HECTD2: variants seen among roughly 807,000 people sequenced by gnomAD.
HECTD2 encodes probable E3 ubiquitin-protein ligase HECTD2.
In HECTD2, 35 loss-of-function variants were observed where a neutral mutation model predicts 103.2. The ratio of observed to expected loss-of-function variants is 0.34; its 90% CI spans 0.26 to 0.45. The LOEUF (loss-of-function observed/expected upper bound fraction) is 0.45, where lower values mean the gene tolerates loss of function less well. Among genes scored for constraint, HECTD2 ranks in the 20% least tolerant of loss-of-function variants. HECTD2 has a pLI of 1.00. For missense variants in HECTD2, 596 were observed against 937.4 expected, an observed-to-expected ratio of 0.64 and a Z score of 4.76; for synonymous variants, 281 against 329.9, an observed-to-expected ratio of 0.85 and a Z score of 1.61.
chr10:91,414,966 A>G (rs936044362), intron 1 of HECTD2, among the ~76,000 whole-genome samples: 1 of 152,144 alleles, frequency 6.6e-6, no homozygotes. Context: ...GTGGTAGTGT[A>G]TAGTTAAACT....
At chr10:91,503,379 C>A (rs939433600) in intron 20 of HECTD2, among the ~76,000 whole-genome samples, 4 of 152,226 alleles carry the variant, frequency 2.6e-5, no homozygotes, top group Admixed American at 2.6e-4. Context: ...GTTCATCTCA[C>A]TAGGGAGTGC....
intron 5 of HECTD2, among the ~76,000 whole-genome samples, chr10:91,468,445 G>A (rs1223551621): frequency 4.6e-5 from 7 of 152,236 alleles, no homozygotes; most frequent in Admixed American, 2.6e-4. Context: ...GAAACTGAAC[G>A]AATGTCAACT....
At chr10:91,496,406 A>G (rs1392081419) in intron 15 of HECTD2, 34 bp downstream of exon 15, 1 of 1,489,014 alleles carries the variant, frequency 6.7e-7, no homozygotes, top group Admixed American at 1.8e-5. Flanking sequence ...TTGTCCTTTA[A>G]TGCGAAATCA....
chr10:91,495,551 T>C (rs1174666821), intron 14 of HECTD2, among the ~76,000 whole-genome samples: 1 of 152,052 alleles, frequency 6.6e-6, no homozygotes, highest in Non-Finnish European at 1.5e-5. Flanking sequence ...AAATTTGATC[T>C]AAAACCTCTC....
Position 91,440,268 on chromosome 10 carries a change from G to C in HECTD2, c.268+14858G>C, listed in dbSNP as rs146331559. ...ACATCCCATCAATACCTAGTTTATTGAGAGTTTTTAGCATGAATGGGGTGT... is the reference window on the plus strand; with the variant it reads ...ACATCCCATCAATACCTAGTTTATTCAGAGTTTTTAGCATGAATGGGGTGT... On this transcript the variant is annotated intron_variant, in intron 2 of 20. Transcript: ENST00000298068. Among the ~76,000 whole-genome samples, 1,383 of 152,250 alleles carry C rather than the reference G, an allele frequency of 9.1e-3. 25 individuals carry two copies. The highest frequency in any genetic ancestry group is 0.032 in the African/African-American group (1,328 of 41,554).
intron 20 of HECTD2, 51 bp from the exon 21 acceptor site, chr10:91,512,213 A>G (rs1431407751): frequency 6.3e-7 from 1 of 1,588,224 alleles, no homozygotes; most frequent in East Asian, 2.2e-5. Context: ...CATAGCAGTC[A>G]TTTTGTGTGT....
intron 5 of HECTD2, among the ~76,000 whole-genome samples, chr10:91,469,267 A>G (rs577615850): frequency 1.3e-5 from 2 of 152,264 alleles, no homozygotes; most frequent in East Asian, 1.9e-4. Flanking sequence ...AACCCCTGCA[A>G]TATGCAAGAT....
At chr10:91,428,354 A>C (rs1341123854) in intron 2 of HECTD2, among the ~76,000 whole-genome samples, 6 of 150,844 alleles carry the variant, frequency 4.0e-5, no homozygotes, top group Admixed American at 3.9e-4. Flanking sequence ...TGACTTGGCG[A>C]TGCGGGCTCT....
chr10:91,472,673 A>G (rs180933441), intron 5 of HECTD2, among the ~76,000 whole-genome samples: 3 of 152,358 alleles, frequency 2.0e-5, no homozygotes, highest in East Asian at 3.9e-4. Context: ...GAAGACATAC[A>G]TGTGTCCAAC....
chr10:91,416,935 T>C (rs1161015342), intron 1 of HECTD2, among the ~76,000 whole-genome samples: 4 of 152,206 alleles, frequency 2.6e-5, no homozygotes, highest in Non-Finnish European at 4.4e-5. Context: ...TCAGTTCATA[T>C]TAATTTCTTT....
chr10:91,460,908 C>G (rs1274455458), intron 3 of HECTD2, among the ~76,000 whole-genome samples: 2 of 151,790 alleles, frequency 1.3e-5, no homozygotes, highest in Non-Finnish European at 2.9e-5. Context: ...AGTTATGTAA[C>G]CATTCAAAAA....
chr10:91,500,394 TACTATGAGAAATCATGAC>T, intron 18 of HECTD2, 90 bp from the exon 19 acceptor site: 2 of 546,432 alleles, frequency 3.7e-6, no homozygotes, highest in East Asian at 3.2e-5. Context: ...TGGTTTGATT[TACTATGAGAAATCATGAC>T]TTTTGTGATT....
intron 6 of HECTD2, among the ~76,000 whole-genome samples, chr10:91,480,809 A>G (rs1210420039): frequency 6.6e-6 from 1 of 151,992 alleles, no homozygotes; most frequent in Non-Finnish European, 1.5e-5. Context: ...AAAATTGATG[A>G]TTTTATTACA....
chr10:91,461,355 A>ATTCT lies in HECTD2; in HGVS notation c.509_510insTTCT (p.Lys170AsnfsTer10). 1 of 1,368,840 alleles carries ATTCT rather than the reference A, an allele frequency of 7.3e-7. No individual in the cohort carries two copies. The highest frequency in any genetic ancestry group is 1.0e-6 in the Non-Finnish European group (1 of 989,914). 84.8% of individuals were successfully genotyped at this position (1,368,840 alleles called of 1,614,324 possible). ...TTCCCAGAATTAAATGCTGCATTTAAGGTAATTATACATAAAACACACTTT... is the reference window on the plus strand; with the variant it reads ...TTCCCAGAATTAAATGCTGCATTTAATTCTGGTAATTATACATAAAACACACTTT... On this transcript the variant is annotated frameshift_variant and splice_region_variant, in exon 4 of 21. Coordinates refer to ENST00000298068, the MANE Select transcript of HECTD2 (RefSeq NM_182765.6). LOFTEE classifies it high-confidence loss of function.
chr10:91,495,621 T>G (rs1589542358), intron 14 of HECTD2, among the ~76,000 whole-genome samples: 1 of 152,048 alleles, frequency 6.6e-6, no homozygotes, highest in Non-Finnish European at 1.5e-5. Context: ...CTGAGCAAAA[T>G]TTGTAACATC....
intron 11 of HECTD2, chr10:91,489,187 C>T (rs564231062): frequency 2.0e-5 from 3 of 152,258 alleles, no homozygotes; most frequent in Non-Finnish European, 4.4e-5. Flanking sequence ...AGGAGAATGG[C>T]AGGTGTAGAC....
chr10:91,508,313 A>G (rs1248763192), intron 20 of HECTD2, among the ~76,000 whole-genome samples: 13 of 145,220 alleles, frequency 9.0e-5, no homozygotes, highest in Non-Finnish European at 2.0e-4. Flanking sequence ...AGCAAAAGAA[A>G]CTACCATCAG....
Position 91,410,421 on chromosome 10 carries a change from C to T in HECTD2, c.-18C>T. The T allele has an allele frequency of 7.3e-7, 1 of 1,372,266 alleles. No homozygotes were observed. Among genetic ancestry groups the T allele is most frequent in the Non-Finnish European group, 9.4e-7 (1 of 1,065,956 alleles). The allele number at this position is 1,372,266 out of a possible 1,614,324, so 85.0% of individuals were successfully genotyped here. ...GAGGCCGCCGCCGCCGCCTGGCGCT[C>T]CCGCCGCCCGGCCCGACATGAGTGA... On this transcript the variant is annotated 5_prime_UTR_variant, in exon 1 of 21. Coordinates refer to ENST00000298068, the MANE Select transcript of HECTD2 (RefSeq NM_182765.6).
At chr10:91,433,393 T>C (rs989505922) in intron 2 of HECTD2, among the ~76,000 whole-genome samples, 2 of 152,028 alleles carry the variant, frequency 1.3e-5, no homozygotes, top group Admixed American at 6.6e-5. Context: ...TAAATAAATA[T>C]TCTCATTTTC....
Sources: gnomAD v4.1 joint callset for allele counts (sites outside exome capture counted in the v4.1 genomes callset) on GRCh38, gnomAD v4.1.1 for gene constraint, MANE v1.5 for transcripts, NCBI Gene and HGNC (gene_info 2026-07-23, HGNC 2026-07-21) for gene names.